Variants in FBXO11 observed in about 807,000 individuals in gnomAD.
The protein encoded by FBXO11 is F-box only protein 11.
FBXO11 carries 13 observed loss-of-function variants against 117.0 expected under a neutral mutation model. The ratio of observed to expected loss-of-function variants is 0.11; its 90% CI spans 0.07 to 0.18. The LOEUF is 0.18. FBXO11 is among the 10% of genes least tolerant of loss of function. FBXO11 has a pLI of 1.00. For missense variants in FBXO11, 767 were observed against 1,164.4 expected, an observed-to-expected ratio of 0.66 and a Z score of 4.97; for synonymous variants, 490 against 380.5, an observed-to-expected ratio of 1.29 and a Z score of -3.35.
intron 1 of FBXO11, among the ~76,000 whole-genome samples, chr2:47,888,258 C>A (rs1677014685): frequency 6.6e-6 from 1 of 152,140 alleles, no homozygotes; most frequent in African/African-American, 2.4e-5. Flanking sequence ...GGAACCAGAA[C>A]AGGTAACATT....
chr2:47,868,182 CTGAGGCAGGAGAA>C (rs1324297299), intron 1 of FBXO11, among the ~76,000 whole-genome samples: 1 of 150,706 alleles, frequency 6.6e-6, no homozygotes, highest in East Asian at 2.0e-4. Flanking sequence ...ATTCAGGAGG[CTGAGGCAGGAGAA>C]TCACTTGAAC....
chr2:47,845,741 T>C lies in FBXO11; in HGVS notation c.233-5972A>G, dbSNP rs556062487. Among the ~76,000 whole-genome samples the C allele has an allele frequency of 3.3e-4, 50 of 152,320 alleles. No homozygotes were observed. The South Asian group carries it at 0.01, about 32-fold the overall frequency. On this transcript the variant is annotated intron_variant, in intron 1 of 22. Coordinates refer to ENST00000403359, the MANE Select transcript of FBXO11 (RefSeq NM_001190274.2). ...GAGGCAGGGTAACAAGGGTGCCCTC[T>C]TTTATATTCTTCAGTGTTTAGCTTG... is the stretch of plus-strand genomic sequence containing the variant.
At position 47,833,095 on chromosome 2, in the gene FBXO11, T is replaced by G. The variant is rs775466947; in HGVS notation, c.935-25A>C. ...GCTGTGGAGAAGATATTTTAAAGAA[T>G]ATTACCTTTATTCGATTTCAACAGA... On this transcript the variant is annotated intron_variant, in intron 7 of 22. Coordinates refer to ENST00000403359, the MANE Select transcript of FBXO11 (RefSeq NM_001190274.2). 3 of 1,486,364 alleles carry G rather than the reference T, an allele frequency of 2.0e-6. No individual in the cohort carries two copies. The East Asian group carries it at 6.8e-5, about 34-fold the overall frequency. The allele number at this position is 1,486,364 out of a possible 1,614,324, so 92.1% of individuals were successfully genotyped here. A position where few individuals can be genotyped will look rare whatever the true frequency, so the allele number is the denominator to read the frequency against.
intron 5 of FBXO11, 131 bp from the exon 6 acceptor site, chr2:47,835,002 G>C (rs949918803): frequency 1.5e-6 from 1 of 688,210 alleles, no homozygotes; most frequent in Non-Finnish European, 2.5e-6. Flanking sequence ...ATAATTTTCT[G>C]TCAGAGTACA....
At chr2:47,821,278 A>G (rs1315253364) in intron 13 of FBXO11, among the ~76,000 whole-genome samples, 1 of 151,548 alleles carries the variant, frequency 6.6e-6, no homozygotes, top group Non-Finnish European at 1.5e-5. Context: ...AGGAGTTCAA[A>G]ACCAGCCTGG....
At chr2:47,820,230 C>T (rs960122041) in intron 14 of FBXO11, 132 bp downstream of exon 14, 1 of 478,410 alleles carries the variant, frequency 2.1e-6, no homozygotes, top group Non-Finnish European at 3.6e-6. Context: ...TTATTTTTGT[C>T]TAACTATTAA....
chr2:47,839,715 T>C lies in FBXO11; in HGVS notation c.287A>G (p.Asn96Ser), dbSNP rs1672868751. ...TTTTCTACGAAGTTGGTATGGACTA[T>C]TTTGTGCACCAGGACCTGATTCTTC... ...VAEESGPGAQ[N>S]SPYQLRRKTL... The change falls in exon 2 of 23, where the codon AAT becomes AGT. Residue 96 changes from asparagine (N) to serine (S), a missense_variant. Physicochemically the swap from Asn to Ser is conservative, Grantham distance 46. Around this residue, in one of 10 missense-constraint regions of FBXO11, gnomAD observed 355 missense variants for 299.8 expected, o/e 1.18. Coordinates refer to ENST00000403359, the MANE Select transcript of FBXO11 (RefSeq NM_001190274.2). 5 of 1,614,148 alleles carry C rather than the reference T, an allele frequency of 3.1e-6. No homozygotes were observed. Among genetic ancestry groups the C allele is most frequent in the Non-Finnish European group, 4.2e-6 (5 of 1,180,014 alleles).
At position 47,807,080 on chromosome 2, in the gene FBXO11, GCTGTTTTATACCCA is replaced by G; in HGVS notation, c.*1024_*1037del. The G allele has an allele frequency of 1.8e-6, 1 of 544,292 alleles. No individual in the cohort carries two copies. The highest frequency in any genetic ancestry group is 3.2e-6 in the Non-Finnish European group (1 of 308,562). 33.7% of individuals were successfully genotyped at this position (544,292 alleles called of 1,614,324 possible). A position where few individuals can be genotyped will look rare whatever the true frequency, so the allele number is the denominator to read the frequency against. On this transcript the variant is annotated 3_prime_UTR_variant, in exon 23 of 23. Transcript: ENST00000403359. ...TTATGGTACATGCATACACTTTCAG[GCTGTTTTATACCCA>G]CTGTCACCAATACACATAAATGGGG...
chr2:47,899,002 C>T (rs1572927488), intron 1 of FBXO11, among the ~76,000 whole-genome samples: 2 of 151,912 alleles, frequency 1.3e-5, no homozygotes, highest in East Asian at 3.9e-4. Context: ...GGGCCAGGCA[C>T]GGTGGCTCAT....
intron 7 of FBXO11, 56 bp from the exon 8 acceptor site, chr2:47,833,126 A>C: frequency 8.6e-7 from 1 of 1,166,502 alleles, no homozygotes; most frequent in Non-Finnish European, 1.3e-6. Context: ...ACAGATGGGT[A>C]TCTTTATGGA....
intron 18 of FBXO11, 107 bp from the exon 19 acceptor site, chr2:47,810,533 A>G (rs1670539741): frequency 1.6e-6 from 1 of 611,108 alleles, no homozygotes; most frequent in Non-Finnish European, 2.7e-6. Flanking sequence ...CTGCATGGTA[A>G]AATTCACAGG....
intron 1 of FBXO11, among the ~76,000 whole-genome samples, chr2:47,845,774 A>G (rs987787497): frequency 6.6e-6 from 1 of 152,090 alleles, no homozygotes; most frequent in Non-Finnish European, 1.5e-5. Flanking sequence ...TTGGTGCCCA[A>G]TCAGTACTCA....
At chr2:47,877,258 T>G (rs941422745) in intron 1 of FBXO11, among the ~76,000 whole-genome samples, 3 of 152,104 alleles carry the variant, frequency 2.0e-5, no homozygotes, top group African/African-American at 7.2e-5. Context: ...TTTGGTTCTT[T>G]TATGGCAATT....
intron 1 of FBXO11, among the ~76,000 whole-genome samples, chr2:47,900,584 A>G (rs552247805): frequency 0.012 from 1,428 of 117,966 alleles, 75 homozygotes; most frequent in Non-Finnish European, 0.021. Context: ...ATACACACAT[A>G]TATACGTATA....
intron 4 of FBXO11, among the ~76,000 whole-genome samples, chr2:47,837,597 T>C (rs1200655460): frequency 1.3e-5 from 2 of 152,334 alleles, no homozygotes; most frequent in Non-Finnish European, 2.9e-5. Flanking sequence ...CATATAACCG[T>C]TGTAAAACAA....
intron 11 of FBXO11, among the ~76,000 whole-genome samples, chr2:47,826,247 CAG>C (rs1558417161): frequency 6.6e-6 from 1 of 151,838 alleles, no homozygotes; most frequent in African/African-American, 2.4e-5. Flanking sequence ...TTAGTAGAGA[CAG>C]GGTTTCACCA....
chr2:47,816,395 G>T (rs1334138037), intron 16 of FBXO11, among the ~76,000 whole-genome samples: 1 of 152,070 alleles, frequency 6.6e-6, no homozygotes, highest in East Asian at 1.9e-4. Flanking sequence ...TGCCCAGGCT[G>T]ATCTTGAACT....
intron 1 of FBXO11, among the ~76,000 whole-genome samples, chr2:47,855,212 T>G (rs1209321950): frequency 6.6e-6 from 1 of 151,882 alleles, no homozygotes; most frequent in Non-Finnish European, 1.5e-5. Flanking sequence ...TTTTTTTTTT[T>G]GTTTTTGAGA....
intron 1 of FBXO11, among the ~76,000 whole-genome samples, chr2:47,854,691 C>T (rs949424799): frequency 3.3e-5 from 5 of 151,972 alleles, no homozygotes; most frequent in Non-Finnish European, 7.4e-5. Flanking sequence ...GCTCCACCTC[C>T]GTAATTTCTG....
Sources: allele counts gnomAD v4.1 joint callset (sites outside exome capture counted in the v4.1 genomes callset), GRCh38; gene constraint gnomAD v4.1.1; regional missense constraint gnomAD v4.1.1; transcripts MANE v1.5; gene names NCBI Gene and HGNC (gene_info 2026-07-23, HGNC 2026-07-21).